CCND3: variants seen among roughly 807,000 people sequenced by gnomAD.
CCND3 encodes the protein G1/S-specific cyclin-D3.
A neutral mutation model predicts 28.7 loss-of-function variants in CCND3; 9 were observed. The observed-to-expected ratio is 0.31, with a 90% CI of 0.19 to 0.55. The LOEUF (loss-of-function observed/expected upper bound fraction) is 0.55, where lower values mean the gene tolerates loss of function less well. Ranked by LOEUF, CCND3 falls within the 20% of genes least tolerant of loss-of-function variation. The pLI is 0.93. For missense variants in CCND3, 315 were observed against 385.8 expected (o/e 0.82, Z 1.54); for synonymous variants, 164 against 163.9 (o/e 1.00, Z 0.00).
At chr6:41,959,679 T>TCCGTCTCAAAA (rs772818142) in intron 1 of CCND3, among the ~76,000 whole-genome samples, 11 of 147,192 alleles carry the variant, frequency 7.5e-5, no homozygotes, top group East Asian at 2.0e-4. Flanking sequence ...ACAGCAAGAC[T>TCCGTCTCAAAA]AAATCAGGCC....
intron 1 of CCND3, among the ~76,000 whole-genome samples, chr6:41,960,449 A>G (rs1274398404): frequency 6.6e-6 from 1 of 152,254 alleles, no homozygotes; most frequent in Non-Finnish European, 1.5e-5. Flanking sequence ...AATAAATTAC[A>G]TGGTCATCTT....
At chr6:41,957,924 ATCC>A (rs1215007028) in intron 1 of CCND3, among the ~76,000 whole-genome samples, 2 of 151,736 alleles carry the variant, frequency 1.3e-5, no homozygotes, top group African/African-American at 4.8e-5. Context: ...GCCTCAAGCA[ATCC>A]TCCTACCTCG....
intron 1 of CCND3, among the ~76,000 whole-genome samples, chr6:41,964,939 G>C (rs1184206452): frequency 6.6e-6 from 1 of 151,974 alleles, no homozygotes; most frequent in Non-Finnish European, 1.5e-5. Context: ...TGGAGGGATA[G>C]TCCAGGATGA....
chr6:41,972,240 A>AAAAAAAAAAGAAAAGAAAAG (rs1554162050), intron 1 of CCND3, among the ~76,000 whole-genome samples: 17 of 99,732 alleles, frequency 1.7e-4, no homozygotes, highest in Non-Finnish European at 2.5e-4. Context: ...AAAAAAAAAA[A>AAAAAAAAAAGAAAAGAAAAG]AAAAGAAAAG....
chr6:41,977,300 C>T (rs1247234237), intron 1 of CCND3, among the ~76,000 whole-genome samples: 1 of 152,158 alleles, frequency 6.6e-6, no homozygotes, highest in Non-Finnish European at 1.5e-5. Flanking sequence ...ATATATACTG[C>T]ATTTCATAAA....
intron 1 of CCND3, among the ~76,000 whole-genome samples, chr6:41,947,446 G>A (rs1318034634): frequency 2.6e-5 from 4 of 152,196 alleles, no homozygotes; most frequent in African/African-American, 4.8e-5. Flanking sequence ...CAAAAAACCC[G>A]CTCTTCCTAC....
chr6:42,025,444 A>G (rs921576280), intron 1 of CCND3, among the ~76,000 whole-genome samples: 1 of 152,232 alleles, frequency 6.6e-6, no homozygotes, highest in Non-Finnish European at 1.5e-5. Context: ...ATCCCATCCA[A>G]CCTGGAACAC....
intron 1 of CCND3, among the ~76,000 whole-genome samples, chr6:42,006,002 AAAAATT>A (rs1408068411): frequency 1.3e-5 from 2 of 149,244 alleles, no homozygotes; most frequent in Non-Finnish European, 3.0e-5. Flanking sequence ...TTTCTACACA[AAAAATT>A]TTTTTTTAAT....
chr6:41,999,987 T>G (rs1762940050), intron 1 of CCND3, among the ~76,000 whole-genome samples: 3 of 152,106 alleles, frequency 2.0e-5, no homozygotes, highest in Admixed American at 6.6e-5. Context: ...CGGTAGGGAT[T>G]TAGATGATTT....
chr6:41,993,726 C>A (rs970928249), intron 1 of CCND3, among the ~76,000 whole-genome samples: 9 of 151,416 alleles, frequency 5.9e-5, no homozygotes, highest in African/African-American at 2.2e-4. Flanking sequence ...AGTTTGAGAC[C>A]AGCCTGGCCA....
chr6:41,994,901 G>T (rs927703379), intron 1 of CCND3, among the ~76,000 whole-genome samples: 1 of 151,996 alleles, frequency 6.6e-6, no homozygotes, highest in East Asian at 2.0e-4. Context: ...GTGAAACCCC[G>T]TCTCTACTAC....
intron 1 of CCND3, among the ~76,000 whole-genome samples, chr6:42,009,804 C>G (rs1763288075): frequency 6.6e-6 from 1 of 151,920 alleles, no homozygotes; most frequent in Admixed American, 6.6e-5. Flanking sequence ...GAGACCCTGT[C>G]TCAAAAAAAA....
chr6:42,027,236 G>A (rs189158934), intron 1 of CCND3, among the ~76,000 whole-genome samples: 169 of 152,174 alleles, frequency 1.1e-3, no homozygotes, highest in South Asian at 0.011. Flanking sequence ...TCAGGGGATC[G>A]AGACCATCCT....
intron 1 of CCND3, among the ~76,000 whole-genome samples, chr6:41,947,081 C>T (rs541972975): frequency 6.6e-6 from 1 of 151,142 alleles, no homozygotes; most frequent in South Asian, 2.1e-4. Flanking sequence ...ATTAGCTGGG[C>T]ATGGTGGCGC....
At chr6:41,937,661 T>A in intron 2 of CCND3, 1 of 496,428 alleles carries the variant, frequency 2.0e-6, no homozygotes, top group South Asian at 2.4e-5. Flanking sequence ...TGTCTGGTTA[T>A]GTTTAAGGGG....
In CCND3 at chr6:41,941,302, C is replaced by T; in HGVS notation, c.198+150G>A. ...TCGGGAAAGCAAGGGAGGCAGCTGG[C>T]GTGGGTGCCCTAGTGAAAGGCCAGG... is the stretch of plus-strand genomic sequence containing the variant. On this transcript the variant is annotated intron_variant, in intron 1 of 4. Coordinates refer to ENST00000372991, the MANE Select transcript of CCND3 (RefSeq NM_001760.5). This position sits in a 1 kb window ranked among gnomAD's most constrained non-coding sequence, Gnocchi z 6.1. The T allele has an allele frequency of 6.9e-7, 1 of 1,454,534 alleles. No homozygotes were observed. The highest frequency in any genetic ancestry group is 9.0e-7 in the Non-Finnish European group (1 of 1,105,710). 90.1% of individuals were successfully genotyped at this position (1,454,534 alleles called of 1,614,324 possible).
rs1235501849 is a variant in CCND3, at chr6:41,940,502, G to A, written c.282C>T (p.Thr94=). The change falls in exon 2 of 5, where the codon ACC becomes ACT. Residue 94 remains threonine (T), a synonymous_variant. Transcript: ENST00000372991. ...CCAGGAGCTGCAACTGCGCCTTTCG[G>A]GTGGGGACGCAAGACAGGTAGCGAT... The part of the protein sequence containing the change: ...YLDRYLSCVP[T]RKAQLQLLGA... 6.2e-7 allele frequency: 1 copy of A among 1,613,948 alleles called. No homozygotes were observed. Among genetic ancestry groups the A allele is most frequent in the South Asian group, 1.1e-5 (1 of 91,088 alleles).
chr6:41,987,501 C>CTGTGTG (rs1762515464), intron 1 of CCND3, among the ~76,000 whole-genome samples: 5 of 84,624 alleles, frequency 5.9e-5, no homozygotes, highest in Admixed American at 1.4e-4. Flanking sequence ...CTCTCTCTCT[C>CTGTGTG]TCTCTCTCTC....
chr6:42,040,670 G>A (rs1423617058), intron 1 of CCND3, among the ~76,000 whole-genome samples: 1 of 151,986 alleles, frequency 6.6e-6, no homozygotes, highest in Non-Finnish European at 1.5e-5. Context: ...TGGCCAACAT[G>A]GTGAAACCCA....
Sources: allele counts gnomAD v4.1 joint callset (sites outside exome capture counted in the v4.1 genomes callset), GRCh38; gene constraint gnomAD v4.1.1; non-coding constraint Gnocchi (gnomAD v3.1); transcripts MANE v1.5; gene names NCBI Gene and HGNC (gene_info 2026-07-23, HGNC 2026-07-21).